Variants in ACTR3C observed in about 807,000 individuals in gnomAD.
The protein encoded by ACTR3C is actin related protein 3C.
Under a neutral mutation model 26.3 loss-of-function variants are expected in ACTR3C, and 18 were observed. The observed-to-expected ratio is 0.68, with a 90% CI of 0.47 to 1.01. ACTR3C has a LOEUF of 1.01. Among genes scored for constraint, ACTR3C ranks in the 50% least tolerant of loss-of-function variants. ACTR3C has a pLI of 0.00. For missense variants in ACTR3C, 184 were observed against 250.7 expected, an observed-to-expected ratio of 0.73 and a Z score of 1.80; for synonymous variants, 55 against 94.5, an observed-to-expected ratio of 0.58 and a Z score of 2.42.
chr7:149,941,320 A>T, the ACTR3C span, among the ~76,000 whole-genome samples: 1 of 152,220 alleles, frequency 6.6e-6, no homozygotes. Context: ...CAAGGTTACT[A>T]GACCATCAGA....
chr7:150,038,379 G>C, the ACTR3C span, among the ~76,000 whole-genome samples: 1 of 143,076 alleles, frequency 7.0e-6, no homozygotes, highest in Admixed American at 6.8e-5. Flanking sequence ...AAAAGGCTTT[G>C]TCAGGTCGGG....
the ACTR3C span, among the ~76,000 whole-genome samples, chr7:150,227,687 G>GGTGTTTT: frequency 7.6e-6 from 1 of 131,896 alleles, no homozygotes; most frequent in Non-Finnish European, 1.5e-5. Context: ...TTTGTGTCTG[G>GGTGTTTT]GTTTTTTTTT....
chr7:149,909,278 A>G, the ACTR3C span, among the ~76,000 whole-genome samples: 1 of 121,924 alleles, frequency 8.2e-6, no homozygotes, highest in Non-Finnish European at 1.8e-5. Context: ...AAAAAAAAAA[A>G]AGAATCTTTC....
chr7:150,036,933 C>A, the ACTR3C span, among the ~76,000 whole-genome samples: 2 of 100,558 alleles, frequency 2.0e-5, no homozygotes, highest in Non-Finnish European at 4.6e-5. Context: ...CGATGGGGGT[C>A]CTAAGAGCCA....
the ACTR3C span, among the ~76,000 whole-genome samples, chr7:150,206,044 G>A: frequency 2.6e-5 from 4 of 152,174 alleles, no homozygotes; most frequent in African/African-American, 9.7e-5. Flanking sequence ...GTAAATGGAA[G>A]TAAAGACAAA....
chr7:149,882,902 A>G, the ACTR3C span, among the ~76,000 whole-genome samples: 1 of 152,148 alleles, frequency 6.6e-6, no homozygotes, highest in Non-Finnish European at 1.5e-5. Flanking sequence ...GCCAGCTGGC[A>G]GTGATGGAAG....
At chr7:150,046,818 G>A in the ACTR3C span, among the ~76,000 whole-genome samples, 1 of 143,924 alleles carries the variant, frequency 6.9e-6, no homozygotes, top group Non-Finnish European at 1.5e-5. Context: ...TTACTAGGGC[G>A]ATGTGCAAAT....
At chr7:150,225,004 AGTGTGTGT>A in the ACTR3C span, among the ~76,000 whole-genome samples, 5,353 of 136,224 alleles carry the variant, frequency 0.039, 159 homozygotes, top group East Asian at 0.15. Flanking sequence ...CACCCCCATT[AGTGTGTGT>A]GTGTGTGTGT....
chr7:150,273,110 C>T (rs528601930), intron 6 of ACTR3C, among the ~76,000 whole-genome samples: 52 of 148,638 alleles, frequency 3.5e-4, no homozygotes, highest in African/African-American at 1.3e-3. Context: ...CCTTTACTTA[C>T]AGAAAAGAAG....
the ACTR3C span, among the ~76,000 whole-genome samples, chr7:150,021,300 T>G: frequency 2.6e-5 from 4 of 151,952 alleles, no homozygotes; most frequent in Non-Finnish European, 4.4e-5. Flanking sequence ...ATTTAGCCTA[T>G]ATATTGAAAC....
At chr7:150,037,968 A>G in the ACTR3C span, among the ~76,000 whole-genome samples, 29 of 138,054 alleles carry the variant, frequency 2.1e-4, 4 homozygotes, top group Admixed American at 1.6e-3. Flanking sequence ...CCAGGGGAGG[A>G]AAGGGGGAGG....
At chr7:149,885,810 G>A in the ACTR3C span, among the ~76,000 whole-genome samples, 2 of 152,232 alleles carry the variant, frequency 1.3e-5, no homozygotes. Context: ...GCCCTTGGCC[G>A]GCAGCAATTG....
At chr7:150,291,871 A>C (rs1045955003) in intron 3 of ACTR3C, among the ~76,000 whole-genome samples, 240 of 151,762 alleles carry the variant, frequency 1.6e-3, no homozygotes, top group African/African-American at 5.4e-3. Context: ...GCTCAAGTCT[A>C]GAGCACACTT....
chr7:150,307,750 C>T (rs934557065), intron 1 of ACTR3C, among the ~76,000 whole-genome samples: 3 of 152,304 alleles, frequency 2.0e-5, no homozygotes, highest in Admixed American at 6.5e-5. Flanking sequence ...AGAGATCAAT[C>T]GCCTGTCCTC....
chr7:150,050,477 G>A, the ACTR3C span, among the ~76,000 whole-genome samples: 2 of 152,142 alleles, frequency 1.3e-5, no homozygotes, highest in African/African-American at 4.8e-5. Context: ...AAGAAAATAT[G>A]ATAAGCGATT....
chr7:150,129,951 A>G, the ACTR3C span, among the ~76,000 whole-genome samples: 3 of 152,236 alleles, frequency 2.0e-5, no homozygotes, highest in Non-Finnish European at 2.9e-5. Flanking sequence ...TACAGTAATC[A>G]GACAGTGTAA....
At chr7:150,049,851 G>A in the ACTR3C span, among the ~76,000 whole-genome samples, 6 of 152,238 alleles carry the variant, frequency 3.9e-5, no homozygotes, top group Non-Finnish European at 8.8e-5. Context: ...AGAAACATGA[G>A]TTTAAAAACA....
the ACTR3C span, among the ~76,000 whole-genome samples, chr7:150,075,849 G>A: frequency 7.2e-5 from 11 of 152,150 alleles, no homozygotes; most frequent in Admixed American, 6.5e-5. Context: ...TACCTGGCGA[G>A]AAAAGTAGGA....
intron 1 of ACTR3C, among the ~76,000 whole-genome samples, chr7:150,304,961 T>A (rs1292350252): frequency 6.6e-6 from 1 of 152,056 alleles, no homozygotes; most frequent in Non-Finnish European, 1.5e-5. Context: ...GGAAGCCTGA[T>A]TGCTCAATAC....
Sources: allele counts gnomAD v4.1 joint callset (sites outside exome capture counted in the v4.1 genomes callset), GRCh38; gene constraint gnomAD v4.1.1; transcripts MANE v1.5; gene names NCBI Gene and HGNC (gene_info 2026-07-23, HGNC 2026-07-21).